FAM133A: variants seen among roughly 807,000 people sequenced by gnomAD.
The protein encoded by FAM133A is protein FAM133A.
For synonymous variants in FAM133A, 65 were observed against 58.6 expected, an observed-to-expected ratio of 1.11 and a Z score of -0.50; for missense variants, 159 against 164.4, an observed-to-expected ratio of 0.97 and a Z score of 0.18.
At position 93,709,314 on chromosome X, in the gene FAM133A, C is replaced by G. The variant is rs1479570765; in HGVS notation, c.-103-3C>G. ...GTAATCATTCCATCTGCTTCTCTTA[C>G]AGAATGGAGCTTGCTTGATATTTCA... On this transcript the variant is annotated splice_region_variant and splice_polypyrimidine_tract_variant and intron_variant, in intron 3 of 3. Transcript: ENST00000683942. The G allele has an allele frequency of 1.8e-5, 18 of 986,052 alleles. No homozygotes were observed. The highest frequency in any genetic ancestry group is 2.2e-5 in the Non-Finnish European group (17 of 769,281). 81.3% of individuals were successfully genotyped at this position (986,052 alleles called of 1,213,427 possible). A position where few individuals can be genotyped will look rare whatever the true frequency, so the allele number is the denominator to read the frequency against.
At chrX:93,708,044 G>T (rs1927152113) in intron 3 of FAM133A, among the ~76,000 whole-genome samples, 1 of 111,674 alleles carries the variant, frequency 9.0e-6, no homozygotes, top group African/African-American at 3.3e-5. Context: ...GAGGATGAGG[G>T]GTAGACAGAG....
At chrX:93,698,602 C>T (rs181848177) in intron 3 of FAM133A, 117 bp downstream of exon 3, 5 of 111,498 alleles carry the variant, frequency 4.5e-5, no homozygotes, top group African/African-American at 1.3e-4. Context: ...TCATTCATAA[C>T]CTAGAGAGGA....
At chrX:93,677,667 A>G (rs144468673) in intron 2 of FAM133A, among the ~76,000 whole-genome samples, 31 of 112,041 alleles carry the variant, frequency 2.8e-4, no homozygotes, top group Non-Finnish European at 5.3e-4. Flanking sequence ...ATTTTATATA[A>G]GTGGAATAAT....
At chrX:93,685,099 A>G (rs1358225760) in intron 2 of FAM133A, among the ~76,000 whole-genome samples, 1 of 111,999 alleles carries the variant, frequency 8.9e-6, no homozygotes, top group East Asian at 2.8e-4. Flanking sequence ...CCTGCTCTCC[A>G]TTATGTTCAC....
At chrX:93,683,584 G>A (rs1925308397) in intron 2 of FAM133A, among the ~76,000 whole-genome samples, 1 of 111,327 alleles carries the variant, frequency 9.0e-6, no homozygotes, top group South Asian at 3.7e-4. Context: ...TGTTTTTTGA[G>A]GAACCTCCAT....
chrX:93,682,805 G>A (rs1208753213), intron 2 of FAM133A, among the ~76,000 whole-genome samples: 3 of 110,448 alleles, frequency 2.7e-5, no homozygotes, highest in African/African-American at 9.9e-5. Context: ...TGATAGAGAC[G>A]GGGTTTAACC....
chrX:93,709,869 A>G lies in FAM133A; in HGVS notation c.450A>G (p.Glu150=), dbSNP rs758363137. Residue 150 remains glutamate (E), a synonymous_variant, in exon 4 of 4, where the codon GAA becomes GAG. Transcript: ENST00000683942. The part of the protein sequence containing the change: ...KSSQSSTHES[E]SESKESVKKK... ...CCCAAAGCTCTACGCATGAATCAGA[A>G]TCAGAGAGCAAGGAGTCTGTAAAAA... 8.3e-7 allele frequency: 1 copy of G among 1,202,377 alleles called. No individual in the cohort carries two copies.
intron 2 of FAM133A, among the ~76,000 whole-genome samples, chrX:93,687,252 T>C (rs749401252): frequency 9.0e-6 from 1 of 111,630 alleles, no homozygotes; most frequent in South Asian, 3.7e-4. Flanking sequence ...GAAAAAGAAA[T>C]ATCGTATGTT....
chrX:93,695,936 G>A (rs1229212730), intron 2 of FAM133A, among the ~76,000 whole-genome samples: 7 of 111,213 alleles, frequency 6.3e-5, no homozygotes, highest in South Asian at 7.5e-4. Context: ...GAGCCACTGC[G>A]CCTGGCCAGG....
Position 93,694,007 on chromosome X carries a change from A to AT in FAM133A, c.-192-4382dup, listed in dbSNP as rs778856324. 1.1e-4 allele frequency among the ~76,000 whole-genome samples: 12 copies of AT among 110,551 alleles called. No individual in the cohort carries two copies. In the South Asian group the frequency reaches 1.9e-3, roughly 18 times the overall value. ...AGACCTTTTACAAAACCCAAGGTAT[A>AT]TTTTTTTTAAAGGGAAAGAACAAGT... On this transcript the variant is annotated intron_variant, in intron 2 of 3. Coordinates refer to ENST00000683942, the MANE Select transcript of FAM133A (RefSeq NM_001171109.2).
chrX:93,702,099 A>G (rs940217451), intron 3 of FAM133A, among the ~76,000 whole-genome samples: 2 of 111,949 alleles, frequency 1.8e-5, no homozygotes, highest in Admixed American at 9.5e-5. Context: ...TTAATATGTG[A>G]TCGAATGAAT....
chrX:93,690,956 G>T (rs1925845309), intron 2 of FAM133A, among the ~76,000 whole-genome samples: 1 of 111,485 alleles, frequency 9.0e-6, no homozygotes, highest in Non-Finnish European at 1.9e-5. Context: ...CTTCTGATTT[G>T]CATTTCCCTA....
chrX:93,705,505 A>G (rs1396100555), intron 3 of FAM133A, among the ~76,000 whole-genome samples: 2 of 111,634 alleles, frequency 1.8e-5, no homozygotes, highest in Non-Finnish European at 3.8e-5. Context: ...CATGGTGACA[A>G]CACCCTCTCC....
chrX:93,709,554 G>T lies in FAM133A; in HGVS notation c.135G>T (p.Lys45Asn). Residue 45 changes from lysine (K) to asparagine (N), a missense_variant, in exon 4 of 4, where the codon AAG becomes AAT. Physicochemically the swap from Lys to Asn is moderately conservative, Grantham distance 94. Transcript: ENST00000683942. The stretch of plus-strand genomic sequence containing the variant: ...CAAGACCCACCTGGGAAGAAGTAAA[G>T]AAACAATTAGAAAATAAAAAAACAG... ...NRPRPTWEEV[K>N]KQLENKKTGS... The T allele has an allele frequency of 8.3e-7, 1 of 1,204,011 alleles. No individual in the cohort carries two copies. Among genetic ancestry groups the T allele is most frequent in the Non-Finnish European group, 1.1e-6 (1 of 892,306 alleles).
chrX:93,704,601 G>C (rs189797144), intron 3 of FAM133A, among the ~76,000 whole-genome samples: 1 of 111,755 alleles, frequency 8.9e-6, no homozygotes, highest in African/African-American at 3.2e-5. Flanking sequence ...GGAATCATTT[G>C]TAATCTTTAA....
chrX:93,701,785 G>A (rs1209756764), intron 3 of FAM133A, among the ~76,000 whole-genome samples: 1 of 111,960 alleles, frequency 8.9e-6, no homozygotes, highest in Non-Finnish European at 1.9e-5. Flanking sequence ...CATTGACACT[G>A]GAACTATAGA....
intron 3 of FAM133A, among the ~76,000 whole-genome samples, chrX:93,699,598 C>T (rs1431241796): frequency 9.0e-6 from 1 of 110,977 alleles, no homozygotes; most frequent in East Asian, 2.8e-4. Context: ...CCAACTTTTT[C>T]TTATGAAATT....
intron 2 of FAM133A, among the ~76,000 whole-genome samples, chrX:93,686,595 A>T (rs1199591600): frequency 8.9e-5 from 10 of 112,135 alleles, no homozygotes; most frequent in Non-Finnish European, 1.7e-4. Context: ...GACCACGGAA[A>T]CAGGGAATAC....
chrX:93,697,238 A>G (rs1362209674), intron 2 of FAM133A, among the ~76,000 whole-genome samples: 2 of 107,513 alleles, frequency 1.9e-5, no homozygotes, highest in Non-Finnish European at 3.8e-5. Context: ...ATATGTTTTT[A>G]ATAAAAATAA....
Sources: allele counts gnomAD v4.1 joint callset (sites outside exome capture counted in the v4.1 genomes callset), GRCh38; gene constraint gnomAD v4.1.1; transcripts MANE v1.5; gene names NCBI Gene and HGNC (gene_info 2026-07-23, HGNC 2026-07-21).